VPS35L: variants seen among roughly 807,000 people sequenced by gnomAD.
VPS35L encodes the protein VPS35 endosomal protein sorting factor like.
VPS35L carries 83 observed loss-of-function variants against 133.0 expected under a neutral mutation model. The ratio of observed to expected loss-of-function variants is 0.62; its 90% CI spans 0.52 to 0.75. VPS35L has a LOEUF of 0.75. Among genes scored for constraint, VPS35L ranks in the 30% least tolerant of loss-of-function variants. VPS35L has a pLI of 0.00. For synonymous variants in VPS35L, 423 were observed against 449.9 expected (o/e 0.94, Z 0.76); for missense variants, 1,083 against 1,206.8 (o/e 0.90, Z 1.52).
At chr16:19,678,865 A>G (rs112164455) in intron 27 of VPS35L, among the ~76,000 whole-genome samples, 3,047 of 152,136 alleles carry the variant, frequency 0.02, 91 homozygotes, top group African/African-American at 0.069. Context: ...AAGGTTGGAA[A>G]TAGTCTCCCA....
intron 29 of VPS35L, among the ~76,000 whole-genome samples, chr16:19,697,899 C>A (rs1483895556): frequency 6.6e-6 from 1 of 152,216 alleles, no homozygotes; most frequent in Non-Finnish European, 1.5e-5. Flanking sequence ...ATTGTGAGGA[C>A]CCATCTGTGG....
rs199769394 is a variant in VPS35L, at chr16:19,610,589, A to T, written c.1023+174A>T. Reference sequence around the variant, plus strand: ...AAAGTAGAACTGTAGGGTTTCTTTTAAAAATTAATTTTAAAGTAGACCAAC... The same window carrying T: ...AAAGTAGAACTGTAGGGTTTCTTTTTAAAATTAATTTTAAAGTAGACCAAC... On this transcript the variant is annotated intron_variant, in intron 12 of 30. Coordinates refer to ENST00000417362, the MANE Select transcript of VPS35L (RefSeq NM_020314.7). 7 of 453,422 alleles carry T rather than the reference A, an allele frequency of 1.5e-5. No homozygotes were observed. In the East Asian group the frequency reaches 2.4e-4, roughly 16 times the overall value. 28.1% of individuals were successfully genotyped at this position (453,422 alleles called of 1,614,324 possible).
Position 19,628,625 on chromosome 16 carries a change from C to A in VPS35L, c.1384-12C>A. On this transcript the variant is annotated splice_polypyrimidine_tract_variant and intron_variant, in intron 16 of 30. Coordinates refer to ENST00000417362, the MANE Select transcript of VPS35L (RefSeq NM_020314.7). ...AAATTTCCATAACATGATGGTTTGA[C>A]ATGTTTCTTAGCATCTTCTTTTTCG... is the stretch of plus-strand genomic sequence containing the variant. The A allele has an allele frequency of 7.0e-7, 1 of 1,432,924 alleles. No individual in the cohort carries two copies. The highest frequency in any genetic ancestry group is 9.7e-7 in the Non-Finnish European group (1 of 1,027,064). The allele number at this position is 1,432,924 out of a possible 1,614,324, so 88.8% of individuals were successfully genotyped here.
At chr16:19,685,552 G>A (rs1324746055) in intron 28 of VPS35L, among the ~76,000 whole-genome samples, 3 of 152,140 alleles carry the variant, frequency 2.0e-5, no homozygotes, top group Non-Finnish European at 2.9e-5. Flanking sequence ...CGTGGAGGTG[G>A]CGTTGCTGGC....
At chr16:19,568,214 A>G (rs2151504454) in intron 2 of VPS35L, among the ~76,000 whole-genome samples, 2 of 152,248 alleles carry the variant, frequency 1.3e-5, no homozygotes, top group South Asian at 4.2e-4. Flanking sequence ...GGTGAGGCCC[A>G]GGGGAAGGGG....
chr16:19,656,947 T>C (rs1406940707), intron 26 of VPS35L, among the ~76,000 whole-genome samples: 1 of 148,300 alleles, frequency 6.7e-6, no homozygotes, highest in Non-Finnish European at 1.5e-5. Context: ...AGAGAGATAG[T>C]GGTCAAAAGA....
chr16:19,603,579 A>G (rs1356217586), intron 9 of VPS35L, among the ~76,000 whole-genome samples: 1 of 152,012 alleles, frequency 6.6e-6, no homozygotes, highest in Non-Finnish European at 1.5e-5. Context: ...ACTGCGTCAC[A>G]CCTGTGACGA....
At chr16:19,642,674 G>A (rs574831643) in intron 22 of VPS35L, among the ~76,000 whole-genome samples, 198 bp downstream of exon 22, 1 of 152,318 alleles carries the variant, frequency 6.6e-6, no homozygotes. Context: ...AAGCGACGTG[G>A]CAGATGTTGT....
intron 28 of VPS35L, among the ~76,000 whole-genome samples, chr16:19,686,165 A>G (rs1975451372): frequency 6.6e-6 from 1 of 152,188 alleles, no homozygotes; most frequent in African/African-American, 2.4e-5. Flanking sequence ...GACCCAGGGA[A>G]TCACAGAGTC....
At chr16:19,657,133 T>C (rs1019277581) in intron 26 of VPS35L, among the ~76,000 whole-genome samples, 1 of 151,800 alleles carries the variant, frequency 6.6e-6, no homozygotes, top group African/African-American at 2.4e-5. Flanking sequence ...ACCGGGCTAA[T>C]TTTTGTATTT....
intron 14 of VPS35L, among the ~76,000 whole-genome samples, chr16:19,619,543 C>T (rs1973010027): frequency 1.3e-5 from 2 of 151,926 alleles, no homozygotes; most frequent in South Asian, 2.1e-4. Context: ...GCAGGATTGA[C>T]GTGGTGAAAT....
chr16:19,595,528 G>T (rs1286634799), intron 8 of VPS35L, among the ~76,000 whole-genome samples: 1 of 152,110 alleles, frequency 6.6e-6, no homozygotes, highest in South Asian at 2.1e-4. Flanking sequence ...CCTCTTGGCC[G>T]TCTGGTTCCC....
At chr16:19,608,889 A>G (rs1029019330) in intron 10 of VPS35L, 85 bp from the exon 11 acceptor site, 2 of 1,230,444 alleles carry the variant, frequency 1.6e-6, no homozygotes, top group African/African-American at 3.0e-5. Flanking sequence ...AGACCCGCCT[A>G]CTTCTATTCA....
At chr16:19,582,807 A>G (rs1971750351) in intron 7 of VPS35L, among the ~76,000 whole-genome samples, 1 of 152,212 alleles carries the variant, frequency 6.6e-6, no homozygotes, top group African/African-American at 2.4e-5. Context: ...AGTGTGTTTC[A>G]TCAACTCCAC....
At chr16:19,652,366 C>T (rs1011021755) in intron 26 of VPS35L, 5 of 279,848 alleles carry the variant, frequency 1.8e-5, no homozygotes, top group African/African-American at 4.5e-5. Flanking sequence ...GATGGAGTTT[C>T]GTTTTGTTGC....
chr16:19,598,506 C>T (rs1056405067), intron 8 of VPS35L, among the ~76,000 whole-genome samples: 1 of 152,056 alleles, frequency 6.6e-6, no homozygotes, highest in Non-Finnish European at 1.5e-5. Context: ...AAGTGAGGCC[C>T]AGTACAGTGG....
At chr16:19,564,166 C>T (rs1971111803) in intron 1 of VPS35L, among the ~76,000 whole-genome samples, 1 of 152,122 alleles carries the variant, frequency 6.6e-6, no homozygotes, top group African/African-American at 2.4e-5. Flanking sequence ...GCAACCTCCG[C>T]CTCCTGGTTG....
Position 19,616,574 on chromosome 16 carries a change from T to G in VPS35L, c.1102-112T>G, listed in dbSNP as rs186768410. 19 of 1,358,572 alleles carry G rather than the reference T, an allele frequency of 1.4e-5. No homozygotes were observed. In the Admixed American group the frequency reaches 3.9e-4, roughly 28 times the overall value. 84.2% of individuals were successfully genotyped at this position (1,358,572 alleles called of 1,614,324 possible). ...AACAACCGAGAAACCAGGCTATTTC[T>G]CTCAGGGCTGTCCACATGCTTACAA... On this transcript the variant is annotated intron_variant, in intron 13 of 30. Transcript: ENST00000417362.
At chr16:19,606,346 C>T (rs987673492) in intron 9 of VPS35L, among the ~76,000 whole-genome samples, 10 of 152,140 alleles carry the variant, frequency 6.6e-5, no homozygotes, top group African/African-American at 2.4e-4. Context: ...AGAAGATTGA[C>T]AAATGAATGT....
Sources: gnomAD v4.1 joint callset for allele counts (sites outside exome capture counted in the v4.1 genomes callset) on GRCh38, gnomAD v4.1.1 for gene constraint, MANE v1.5 for transcripts, NCBI Gene and HGNC (gene_info 2026-07-23, HGNC 2026-07-21) for gene names.